PCDHA13: variants seen among roughly 807,000 people sequenced by gnomAD.
PCDHA13 encodes the protein protocadherin alpha-13.
In PCDHA13, 54 loss-of-function variants were observed where a neutral mutation model predicts 64.8. The observed-to-expected ratio is 0.83, with a 90% CI of 0.67 to 1.04. The LOEUF (loss-of-function observed/expected upper bound fraction) is 1.04. Ranked by LOEUF, PCDHA13 falls within the 50% of genes least tolerant of loss-of-function variation. PCDHA13 has a pLI of 0.00. For missense variants in PCDHA13, 1,248 were observed against 1,254.3 expected (o/e 0.99, Z 0.08); for synonymous variants, 587 against 564.4 (o/e 1.04, Z -0.57).
intron 1 of PCDHA13, among the ~76,000 whole-genome samples, chr5:140,945,698 T>C (rs530742031): frequency 3.9e-5 from 6 of 152,046 alleles, no homozygotes; most frequent in Non-Finnish European, 8.8e-5. Flanking sequence ...GTCCACTGAT[T>C]TGCAACAAAA....
chr5:140,894,678 G>A (rs2064610623), intron 1 of PCDHA13, among the ~76,000 whole-genome samples: 2 of 151,110 alleles, frequency 1.3e-5, no homozygotes, highest in African/African-American at 4.9e-5. Flanking sequence ...TTCTTGCATA[G>A]CTTTTCATTA....
chr5:140,884,410 G>A lies in PCDHA13; in HGVS notation c.2142G>A (p.Thr714=), dbSNP rs1562804321. 1 of 1,614,004 alleles carries A rather than the reference G, an allele frequency of 6.2e-7. No individual in the cohort carries two copies. Among genetic ancestry groups the A allele is most frequent in the Non-Finnish European group, 8.5e-7 (1 of 1,179,894 alleles). Residue 714 remains threonine, a synonymous_variant, in exon 1 of 4, where the codon ACG becomes ACA. Coordinates refer to ENST00000289272, the MANE Select transcript of PCDHA13 (RefSeq NM_018904.3). ...CGGTGTCCAGCCTGTTGGTGCTCAC[G>A]TTGCTGCTGTATACTGCGCTGCGGT... ...ICAVSSLLVL[T]LLLYTALRCS...
intron 1 of PCDHA13, among the ~76,000 whole-genome samples, chr5:140,936,335 A>G (rs1278918836): frequency 2.0e-5 from 3 of 152,176 alleles, no homozygotes; most frequent in South Asian, 2.1e-4. Context: ...AATTTTCTCT[A>G]TCTGCATATA....
intron 1 of PCDHA13, chr5:140,967,271 A>T (rs1007708043): frequency 6.2e-7 from 1 of 1,613,338 alleles, no homozygotes; most frequent in African/African-American, 1.3e-5. Context: ...GCGCTTTCAC[A>T]TAGAGAGTGC....
chr5:140,955,452 G>A (rs921510611), intron 1 of PCDHA13, among the ~76,000 whole-genome samples: 1 of 152,024 alleles, frequency 6.6e-6, no homozygotes, highest in African/African-American at 2.4e-5. Flanking sequence ...TTTTATAAGG[G>A]CTTTTTCCTT....
intron 1 of PCDHA13, among the ~76,000 whole-genome samples, chr5:140,941,211 C>CTCT (rs2092852939): frequency 7.7e-6 from 1 of 129,628 alleles, no homozygotes; most frequent in East Asian, 2.4e-4. Context: ...TCCTTTCTTT[C>CTCT]TTCCTTTCTT....
chr5:140,915,992 G>A (rs1437857401), intron 1 of PCDHA13, among the ~76,000 whole-genome samples: 2 of 152,134 alleles, frequency 1.3e-5, no homozygotes, highest in African/African-American at 4.8e-5. Context: ...GGCTAAGCTG[G>A]CACTCAAACC....
chr5:140,987,709 T>TATG (rs1359366930), intron 3 of PCDHA13, among the ~76,000 whole-genome samples: 1 of 152,190 alleles, frequency 6.6e-6, no homozygotes, highest in Non-Finnish European at 1.5e-5. Flanking sequence ...TTTTTCCAGG[T>TATG]ATGAGTCTAT....
At chr5:140,919,823 T>C (rs1554199267) in intron 1 of PCDHA13, among the ~76,000 whole-genome samples, 1 of 152,222 alleles carries the variant, frequency 6.6e-6, no homozygotes, top group Non-Finnish European at 1.5e-5. Flanking sequence ...AAAATATATG[T>C]CCACATAGTA....
At chr5:140,936,662 CT>C (rs1337986057) in intron 1 of PCDHA13, among the ~76,000 whole-genome samples, 1 of 152,178 alleles carries the variant, frequency 6.6e-6, no homozygotes, top group Non-Finnish European at 1.5e-5. Context: ...TATTCTGTTT[CT>C]GGACTGTCTA....
chr5:140,920,204 G>A (rs185996994), intron 1 of PCDHA13, among the ~76,000 whole-genome samples: 3 of 152,222 alleles, frequency 2.0e-5, no homozygotes, highest in Admixed American at 1.3e-4. Context: ...AGCAGCCACA[G>A]AAAACCAATG....
intron 1 of PCDHA13, among the ~76,000 whole-genome samples, chr5:140,902,107 T>G (rs2069104126): frequency 6.6e-6 from 1 of 152,174 alleles, no homozygotes; most frequent in African/African-American, 2.4e-5. Flanking sequence ...CTTTAGATTT[T>G]TTTAAAACTG....
At chr5:140,954,844 C>T (rs1195160424) in intron 1 of PCDHA13, among the ~76,000 whole-genome samples, 1 of 152,070 alleles carries the variant, frequency 6.6e-6, no homozygotes, top group African/African-American at 2.4e-5. Flanking sequence ...GAAATCTTTG[C>T]CTGTGCCTAT....
intron 1 of PCDHA13, chr5:140,929,542 C>A (rs2086218387): frequency 1.9e-6 from 1 of 536,790 alleles, no homozygotes; most frequent in Non-Finnish European, 3.0e-6. Context: ...GAAACAAGGG[C>A]AAAAATTAAA....
chr5:140,929,307 C>T (rs149565434), intron 1 of PCDHA13: 10 of 1,570,046 alleles, frequency 6.4e-6, no homozygotes, highest in Admixed American at 1.8e-5. Context: ...AAGGGGATCA[C>T]GCTAATGTCA....
intron 3 of PCDHA13, among the ~76,000 whole-genome samples, chr5:141,008,809 C>A (rs1397377778): frequency 6.6e-6 from 1 of 152,160 alleles, no homozygotes; most frequent in African/African-American, 2.4e-5. Flanking sequence ...CAAATAGGCT[C>A]AATTTACAAC....
chr5:140,909,769 C>T (rs1213208977), intron 1 of PCDHA13, among the ~76,000 whole-genome samples: 2 of 152,104 alleles, frequency 1.3e-5, no homozygotes, highest in Non-Finnish European at 2.9e-5. Flanking sequence ...AGTCCAGGGA[C>T]CCACTGGACC....
At chr5:140,989,325 G>A (rs1389327103) in intron 3 of PCDHA13, among the ~76,000 whole-genome samples, 5 of 152,164 alleles carry the variant, frequency 3.3e-5, no homozygotes, top group African/African-American at 1.2e-4. Flanking sequence ...CACCAACTTT[G>A]CCACCTGACT....
rs543804071 is a variant in PCDHA13, at chr5:140,951,447, C to T, written c.2395-27502C>T. Among the ~76,000 whole-genome samples the T allele has an allele frequency of 2.2e-4, 34 of 152,004 alleles. No homozygotes were observed. In the South Asian group the frequency reaches 5.8e-3, roughly 26 times the overall value. On this transcript the variant is annotated intron_variant, in intron 1 of 3. Coordinates refer to ENST00000289272, the MANE Select transcript of PCDHA13 (RefSeq NM_018904.3). ...CCACAGGCTGTAGGAAGCATGATGC[C>T]GGCCATCTGCTTGGCTTCTGGGGAG...
Sources: gnomAD v4.1 joint callset for allele counts (sites outside exome capture counted in the v4.1 genomes callset) on GRCh38, gnomAD v4.1.1 for gene constraint, MANE v1.5 for transcripts, NCBI Gene and HGNC (gene_info 2026-07-23, HGNC 2026-07-21) for gene names.